Variants in KCTD10 observed in about 807,000 individuals in gnomAD.
The protein encoded by KCTD10 is BTB/POZ domain-containing adapter for CUL3-mediated RhoA degradation protein 3.
In KCTD10, 13 loss-of-function variants were observed where a neutral mutation model predicts 34.6. The ratio of observed to expected loss-of-function variants is 0.38; its 90% CI spans 0.24 to 0.60. KCTD10 has a LOEUF of 0.60. Ranked by LOEUF, KCTD10 falls within the 20% of genes least tolerant of loss-of-function variation. The probability of loss-of-function intolerance (pLI) is 0.66; values close to 1 mark genes in which losing one functional copy is unlikely to be tolerated. For missense variants in KCTD10, 256 were observed against 420.3 expected (o/e 0.61, Z 3.42); for synonymous variants, 156 against 168.8 (o/e 0.92, Z 0.59).
intron 6 of KCTD10, chr12:109,455,351 A>G (rs10774708): frequency 0.57 from 87,015 of 151,820 alleles, 25,925 homozygotes; most frequent in African/African-American, 0.73. Context: ...GGAAATCACC[A>G]CACTATAATT....
At chr12:109,462,536 A>C (rs940461431) in intron 2 of KCTD10, among the ~76,000 whole-genome samples, 1 of 152,256 alleles carries the variant, frequency 6.6e-6, no homozygotes, top group Non-Finnish European at 1.5e-5. Flanking sequence ...ATCTGAGAAA[A>C]CAAAATATGG....
chr12:109,455,279 T>G (rs1033505605), intron 6 of KCTD10, among the ~76,000 whole-genome samples: 3 of 151,098 alleles, frequency 2.0e-5, no homozygotes, highest in Admixed American at 2.0e-4. Flanking sequence ...GGAGGAGGAG[T>G]AGATACAGAC....
rs1025129827 is a variant in KCTD10, at chr12:109,450,380, C to T, written c.*1215G>A. 2.8e-5 allele frequency: 11 copies of T among 398,966 alleles called. No individual in the cohort carries two copies. Among genetic ancestry groups the T allele is most frequent in the Non-Finnish European group, 4.9e-5 (11 of 226,324 alleles). 24.7% of individuals were successfully genotyped at this position (398,966 alleles called of 1,614,324 possible). ...CCGCCACCTGTGCCCCACAAGCACA[C>T]GTCCCCACCCACAGTCACACATATC... On this transcript the variant is annotated 3_prime_UTR_variant, in exon 7 of 7. Transcript: ENST00000228495.
chr12:109,453,682 A>T (rs1041465001), intron 6 of KCTD10, among the ~76,000 whole-genome samples: 5 of 152,208 alleles, frequency 3.3e-5, no homozygotes, highest in African/African-American at 7.2e-5. Flanking sequence ...GCATGGTTAC[A>T]GAAAGTGGGT....
chr12:109,471,128 A>C, intron 1 of KCTD10: 1 of 985,470 alleles, frequency 1.0e-6, no homozygotes, highest in Non-Finnish European at 1.2e-6. Flanking sequence ...CTATTCCCTG[A>C]AACTGAAAAA....
chr12:109,464,630 T>C (rs1317248629), intron 2 of KCTD10, among the ~76,000 whole-genome samples: 1 of 152,140 alleles, frequency 6.6e-6, no homozygotes, highest in African/African-American at 2.4e-5. Flanking sequence ...ATATGAACTT[T>C]TGCAAAGTAA....
Position 109,451,335 on chromosome 12 carries a change from G to A in KCTD10, c.*260C>T, listed in dbSNP as rs74509921. On this transcript the variant is annotated 3_prime_UTR_variant, in exon 7 of 7. Coordinates refer to ENST00000228495, the MANE Select transcript of KCTD10 (RefSeq NM_031954.5). This position sits in a 1 kb window ranked among gnomAD's most constrained non-coding sequence, Gnocchi z 5.0. ...TACTTTTCCTCTGAGAACCGAGAAA[G>A]CCTGGCTCCAAAGAGTCTCAGATTC... 2,038 of 465,620 alleles carry A rather than the reference G, an allele frequency of 4.4e-3. 8 individuals are homozygous for A. Among genetic ancestry groups the A allele is most frequent in the Middle Eastern group, 0.011 (20 of 1,886 alleles). The allele number at this position is 465,620 out of a possible 1,614,324, so 28.8% of individuals were successfully genotyped here. A position where few individuals can be genotyped will look rare whatever the true frequency, so the allele number is the denominator to read the frequency against.
rs1443340138 is a variant in KCTD10 at position 109,449,439 on chromosome 12, C to T, written c.*2156G>A. The T allele has an allele frequency of 6.6e-6, 1 of 151,914 alleles. No individual in the cohort carries two copies. Among genetic ancestry groups the T allele is most frequent in the Non-Finnish European group, 1.5e-5 (1 of 68,058 alleles). The allele number at this position is 151,914 out of a possible 1,614,324, so 9.4% of individuals were successfully genotyped here. A position where few individuals can be genotyped will look rare whatever the true frequency, so the allele number is the denominator to read the frequency against. On this transcript the variant is annotated 3_prime_UTR_variant, in exon 7 of 7. Coordinates refer to ENST00000228495, the MANE Select transcript of KCTD10 (RefSeq NM_031954.5). Reference sequence around the variant, plus strand: ...ATTCTTCACACAAACATTTAAAACACTATGCAGCCAGGTGTGGTGACTCAC... The same window carrying T: ...ATTCTTCACACAAACATTTAAAACATTATGCAGCCAGGTGTGGTGACTCAC...
At position 109,449,652 on chromosome 12, in the gene KCTD10, G is replaced by A. The variant is rs974272226; in HGVS notation, c.*1943C>T. 1 of 152,170 alleles carries A rather than the reference G, an allele frequency of 6.6e-6. No individual in the cohort carries two copies. Among genetic ancestry groups the A allele is most frequent in the African/African-American group, 2.4e-5 (1 of 41,412 alleles). 9.4% of individuals were successfully genotyped at this position (152,170 alleles called of 1,614,324 possible). A position where few individuals can be genotyped will look rare whatever the true frequency, so the allele number is the denominator to read the frequency against. ...GAGGCAGCAGAATCGCTTGAACCCA[G>A]GAGGCACAAGTTGTGGTAAGTGGAG... On this transcript the variant is annotated 3_prime_UTR_variant, in exon 7 of 7. Transcript: ENST00000228495.
chr12:109,455,604 T>G (rs1224102362), intron 6 of KCTD10: 1 of 161,338 alleles, frequency 6.2e-6, no homozygotes, highest in Non-Finnish European at 1.4e-5. Flanking sequence ...ACAGCAGACC[T>G]GCTGCATGTC....
At chr12:109,463,918 A>G (rs761980138) in intron 2 of KCTD10, among the ~76,000 whole-genome samples, 1 of 152,236 alleles carries the variant, frequency 6.6e-6, no homozygotes, top group Non-Finnish European at 1.5e-5. Context: ...CTGGAAGCAG[A>G]GCAGCAGCGT....
chr12:109,462,471 A>G (rs1446321354), intron 2 of KCTD10, among the ~76,000 whole-genome samples: 1 of 152,238 alleles, frequency 6.6e-6, no homozygotes, highest in Non-Finnish European at 1.5e-5. Context: ...GGCATGGTAA[A>G]TCACATCACC....
rs1455853815 is a variant in KCTD10 at position 109,451,996 on chromosome 12, G to C, written c.724-183C>G. 6.6e-6 allele frequency among the ~76,000 whole-genome samples: 1 copy of C among 152,204 alleles called. No homozygotes were observed. The highest frequency in any genetic ancestry group is 1.5e-5 in the Non-Finnish European group (1 of 68,042). ...ACTTACATGTGGTGCTAAATGCACAGAAAATCAAGGGGATGCAGAGAAACA... is the reference window on the plus strand; with the variant it reads ...ACTTACATGTGGTGCTAAATGCACACAAAATCAAGGGGATGCAGAGAAACA... On this transcript the variant is annotated intron_variant, in intron 6 of 6. Coordinates refer to ENST00000228495, the MANE Select transcript of KCTD10 (RefSeq NM_031954.5). The surrounding 1 kb of genome is among the most constrained non-coding windows in gnomAD (Gnocchi z 5.0).
intron 6 of KCTD10, among the ~76,000 whole-genome samples, chr12:109,453,368 T>A (rs1163515123): frequency 2.6e-5 from 4 of 151,790 alleles, no homozygotes; most frequent in African/African-American, 4.8e-5. Context: ...TTTTAAAAAA[T>A]TTTTGGTAGA....
At chr12:109,457,384 G>GT in intron 5 of KCTD10, 6 of 408,620 alleles carry the variant, frequency 1.5e-5, no homozygotes, top group Non-Finnish European at 2.2e-5. Flanking sequence ...CACAACTTGT[G>GT]AATATATAAA....
chr12:109,463,124 A>G (rs1052267266), intron 2 of KCTD10, among the ~76,000 whole-genome samples: 3 of 152,190 alleles, frequency 2.0e-5, no homozygotes, highest in African/African-American at 7.2e-5. Context: ...CCAGAATTGA[A>G]AAGATAAATA....
chr12:109,464,516 G>T (rs936291992), intron 2 of KCTD10, among the ~76,000 whole-genome samples: 4 of 152,096 alleles, frequency 2.6e-5, no homozygotes, highest in African/African-American at 9.7e-5. Context: ...GTAAAAAAGC[G>T]ATTTAAACTC....
chr12:109,467,046 G>A (rs1873625810), intron 2 of KCTD10, among the ~76,000 whole-genome samples: 1 of 152,204 alleles, frequency 6.6e-6, no homozygotes, highest in Non-Finnish European at 1.5e-5. Flanking sequence ...CAGCCTACCA[G>A]CCCAGGCCTT....
At position 109,451,294 on chromosome 12, in the gene KCTD10, A is replaced by G. The variant is rs1046826451; in HGVS notation, c.*301T>C. ...ATTGCAAACAAAAGTTCTCACATAC[A>G]CTTCACACTCATTCATACTTTTCCT... On this transcript the variant is annotated 3_prime_UTR_variant, in exon 7 of 7. Transcript: ENST00000228495. This position sits in a 1 kb window ranked among gnomAD's most constrained non-coding sequence, Gnocchi z 5.0. 5.5e-6 allele frequency: 2 copies of G among 363,832 alleles called. No individual in the cohort carries two copies. The highest frequency in any genetic ancestry group is 9.8e-6 in the Non-Finnish European group (2 of 203,960). 22.5% of individuals were successfully genotyped at this position (363,832 alleles called of 1,614,324 possible). A position where few individuals can be genotyped will look rare whatever the true frequency, so the allele number is the denominator to read the frequency against.
Sources: gnomAD v4.1 joint callset for allele counts (sites outside exome capture counted in the v4.1 genomes callset) on GRCh38, gnomAD v4.1.1 for gene constraint, Gnocchi (gnomAD v3.1) non-coding constraint, MANE v1.5 for transcripts, NCBI Gene and HGNC (gene_info 2026-07-23, HGNC 2026-07-21) for gene names.